The following SEMA6D variants were observed in gnomAD, a reference collection of about 807,000 sequenced individuals.
SEMA6D encodes the protein semaphorin 6D.
In SEMA6D, 35 loss-of-function variants were observed where a neutral mutation model predicts 106.6. The observed-to-expected ratio is 0.33, with a 90% confidence interval of 0.25 to 0.44. SEMA6D has a LOEUF of 0.44. SEMA6D is among the 20% of genes least tolerant of loss of function. The pLI, the probability that SEMA6D is intolerant of heterozygous loss-of-function variation, is 1.00. For synonymous variants in SEMA6D, 499 were observed against 487.7 expected, an observed-to-expected ratio of 1.02 and a Z score of -0.31; for missense variants, 1,185 against 1,345.9, an observed-to-expected ratio of 0.88 and a Z score of 1.87.
intron 1 of SEMA6D, among the ~76,000 whole-genome samples, chr15:47,325,419 G>A (rs1462713664): frequency 2.0e-5 from 3 of 151,826 alleles, no homozygotes; most frequent in East Asian, 2.0e-4. Context: ...GTGATCGCCC[G>A]CCTTGGCCTC....
At chr15:47,190,396 A>T (rs1171068140) in intron 1 of SEMA6D, among the ~76,000 whole-genome samples, 1 of 152,224 alleles carries the variant, frequency 6.6e-6, no homozygotes, top group Non-Finnish European at 1.5e-5. Flanking sequence ...GCTTCTAAGG[A>T]TCTAAGTGGA....
intron 1 of SEMA6D, among the ~76,000 whole-genome samples, chr15:47,368,925 C>T (rs1388876062): frequency 6.6e-6 from 1 of 152,166 alleles, no homozygotes; most frequent in South Asian, 2.1e-4. Context: ...CACCAAACAT[C>T]CCTAATAATC....
intron 4 of SEMA6D, among the ~76,000 whole-genome samples, chr15:47,618,210 T>C (rs933155211): frequency 6.6e-6 from 1 of 152,196 alleles, no homozygotes; most frequent in African/African-American, 2.4e-5. Context: ...AGCTGAGTAA[T>C]TTGTAAATAT....
chr15:47,558,889 GGA>G lies in SEMA6D; in HGVS notation c.-86-41974_-86-41973del, dbSNP rs1459209224. On this transcript the variant is annotated intron_variant, in intron 3 of 19. Coordinates refer to the SEMA6D transcript ENST00000558014. ...CCAAAATGTCACAGAGAAGGGAAGT[GGA>G]GTGAGTTGAAGTAATTAGGAACAAC... is the stretch of plus-strand genomic sequence containing the variant. Among the ~76,000 whole-genome samples the G allele has an allele frequency of 3.3e-5, 5 of 152,120 alleles. No individual in the cohort carries two copies. The East Asian group carries it at 9.7e-4, about 29-fold the overall frequency.
chr15:47,373,110 C>T (rs1465859666), intron 1 of SEMA6D, among the ~76,000 whole-genome samples: 1 of 152,200 alleles, frequency 6.6e-6, no homozygotes, highest in Non-Finnish European at 1.5e-5. Flanking sequence ...CTGCTTCTTG[C>T]ACTGCATTGT....
At chr15:47,624,204 G>A (rs1352229501) in intron 4 of SEMA6D, among the ~76,000 whole-genome samples, 1 of 152,140 alleles carries the variant, frequency 6.6e-6, no homozygotes, top group African/African-American at 2.4e-5. Context: ...ATCTCACTCA[G>A]CATAGACACT....
intron 1 of SEMA6D, among the ~76,000 whole-genome samples, chr15:47,361,335 G>A (rs1371630462): frequency 6.6e-6 from 1 of 152,204 alleles, no homozygotes. Flanking sequence ...GGCCACTGAT[G>A]GAGATATTTT....
chr15:47,293,183 T>C (rs2035662027), intron 1 of SEMA6D, among the ~76,000 whole-genome samples: 1 of 152,162 alleles, frequency 6.6e-6, no homozygotes, highest in Non-Finnish European at 1.5e-5. Flanking sequence ...CCCACCTGGT[T>C]CTTCCTTGCA....
intron 1 of SEMA6D, among the ~76,000 whole-genome samples, chr15:47,372,436 TG>T (rs1023860276): frequency 6.6e-6 from 1 of 152,236 alleles, no homozygotes; most frequent in African/African-American, 2.4e-5. Flanking sequence ...AAGGTAGAAC[TG>T]GACCTGATGA....
chr15:47,552,533 C>G (rs1472730939), intron 3 of SEMA6D, among the ~76,000 whole-genome samples: 1 of 139,736 alleles, frequency 7.2e-6, no homozygotes, highest in African/African-American at 2.6e-5. Context: ...TATACACACA[C>G]ACACACACAC....
intron 3 of SEMA6D, among the ~76,000 whole-genome samples, chr15:47,565,767 A>G (rs2046213414): frequency 2.0e-5 from 3 of 152,170 alleles, no homozygotes; most frequent in Admixed American, 2.0e-4. Context: ...AAAATTCCAG[A>G]AAAGTAGAAT....
intron 3 of SEMA6D, among the ~76,000 whole-genome samples, chr15:47,582,566 G>A (rs1474487101): frequency 2.0e-5 from 3 of 152,186 alleles, no homozygotes; most frequent in Non-Finnish European, 4.4e-5. Flanking sequence ...GTGAGGGTCT[G>A]GAGCAGGTGG....
chr15:47,730,577 G>A, intron 1 of SEMA6D: 2 of 1,479,134 alleles, frequency 1.4e-6, no homozygotes, highest in Non-Finnish European at 1.9e-6. Flanking sequence ...TTTGCCAGCA[G>A]CTTTCTTCTC....
intron 2 of SEMA6D, among the ~76,000 whole-genome samples, chr15:47,445,616 T>A (rs1304532405): frequency 6.6e-6 from 1 of 152,100 alleles, no homozygotes; most frequent in African/African-American, 2.4e-5. Flanking sequence ...AGCCCCTGCA[T>A]AATATTCCTT....
At chr15:47,229,077 A>G (rs1466777637) in intron 1 of SEMA6D, among the ~76,000 whole-genome samples, 2 of 152,034 alleles carry the variant, frequency 1.3e-5, no homozygotes, top group Non-Finnish European at 2.9e-5. Context: ...CTGAGCGTAT[A>G]CTAAAGAGAC....
intron 1 of SEMA6D, among the ~76,000 whole-genome samples, chr15:47,218,260 T>G (rs2030854827): frequency 6.6e-6 from 1 of 152,214 alleles, no homozygotes; most frequent in Non-Finnish European, 1.5e-5. Context: ...GTTGGATTGT[T>G]GCACTCATCC....
chr15:47,535,728 G>A (rs1432630361), intron 3 of SEMA6D, among the ~76,000 whole-genome samples: 1 of 151,936 alleles, frequency 6.6e-6, no homozygotes, highest in African/African-American at 2.4e-5. Flanking sequence ...GTTTTCAAAA[G>A]TTAGTATTTC....
At chr15:47,483,389 G>A (rs1171598435) in intron 3 of SEMA6D, among the ~76,000 whole-genome samples, 1 of 152,128 alleles carries the variant, frequency 6.6e-6, no homozygotes, top group Non-Finnish European at 1.5e-5. Context: ...GGTAGTGGTT[G>A]ATGAGGACAG....
At chr15:47,210,829 G>T (rs2029924928) in intron 1 of SEMA6D, among the ~76,000 whole-genome samples, 1 of 150,608 alleles carries the variant, frequency 6.6e-6, no homozygotes, top group Non-Finnish European at 1.5e-5. Context: ...GAAAATGATG[G>T]TCCAGTTAAA....
Sources: allele counts gnomAD v4.1 joint callset (sites outside exome capture counted in the v4.1 genomes callset), GRCh38; gene constraint gnomAD v4.1.1; transcripts MANE v1.5; gene names NCBI Gene and HGNC (gene_info 2026-07-23, HGNC 2026-07-21).